Variants in RNGTT observed in about 807,000 individuals in gnomAD.
RNGTT encodes mRNA-capping enzyme.
In RNGTT, 33 loss-of-function variants were observed where a neutral mutation model predicts 79.3. The ratio of observed to expected loss-of-function variants is 0.42; its 90% CI spans 0.32 to 0.56. The LOEUF is 0.56. RNGTT is among the 20% of genes least tolerant of loss of function. RNGTT has a pLI of 0.17. For synonymous variants in RNGTT, 222 were observed against 235.9 expected (o/e 0.94, Z 0.54); for missense variants, 497 against 739.1 (o/e 0.67, Z 3.80).
intron 13 of RNGTT, among the ~76,000 whole-genome samples, chr6:88,717,289 G>T (rs1325643390): frequency 6.6e-6 from 1 of 152,108 alleles, no homozygotes; most frequent in East Asian, 1.9e-4. Flanking sequence ...TTTACTAAAG[G>T]TGTAGAAATT....
At chr6:88,912,036 T>C (rs1453816670) in intron 4 of RNGTT, among the ~76,000 whole-genome samples, 6 of 152,048 alleles carry the variant, frequency 3.9e-5, no homozygotes, top group Admixed American at 3.3e-4. Context: ...TGAGCAGAGA[T>C]TGTGCCTCTG....
At chr6:88,759,137 A>G (rs9351179) in intron 13 of RNGTT, among the ~76,000 whole-genome samples, 22,464 of 152,256 alleles carry the variant, frequency 0.15, 1,790 homozygotes, top group Middle Eastern at 0.25. Flanking sequence ...GTATGGACTC[A>G]TAGATTCCTA....
chr6:88,927,046 T>C (rs1784342146), intron 4 of RNGTT, among the ~76,000 whole-genome samples: 2 of 152,024 alleles, frequency 1.3e-5, no homozygotes, highest in Non-Finnish European at 1.5e-5. Flanking sequence ...ATTAGCTACT[T>C]AAAATCAAAC....
At chr6:88,915,925 A>G (rs1465257126) in intron 4 of RNGTT, among the ~76,000 whole-genome samples, 1 of 152,202 alleles carries the variant, frequency 6.6e-6, no homozygotes, top group Non-Finnish European at 1.5e-5. Flanking sequence ...GTTACAGTTC[A>G]ATAAGATAAC....
chr6:88,878,471 T>G (rs955606652), intron 8 of RNGTT, among the ~76,000 whole-genome samples: 1 of 152,150 alleles, frequency 6.6e-6, no homozygotes, highest in African/African-American at 2.4e-5. Context: ...TTACATGATT[T>G]GAAACAAATA....
At chr6:88,827,242 A>G (rs1780699028) in intron 11 of RNGTT, among the ~76,000 whole-genome samples, 1 of 152,094 alleles carries the variant, frequency 6.6e-6, no homozygotes, top group South Asian at 2.1e-4. Flanking sequence ...ATAGAGGGTG[A>G]GCTGAAGCAG....
At chr6:88,712,316 G>GT (rs1365613778) in intron 13 of RNGTT, among the ~76,000 whole-genome samples, 3 of 152,138 alleles carry the variant, frequency 2.0e-5, no homozygotes, top group Non-Finnish European at 4.4e-5. Context: ...AGGTTGTGTT[G>GT]TTTTTTAAAA....
In RNGTT at chr6:88,890,560, G is replaced by A; in HGVS notation, c.831C>T (p.Asp277=). 6.2e-7 allele frequency: 1 copy of A among 1,613,578 alleles called. No individual in the cohort carries two copies. The highest frequency in any genetic ancestry group is 8.5e-7 in the Non-Finnish European group (1 of 1,179,712). The change falls in exon 8 of 16, where the codon GAC becomes GAT. Residue 277 remains aspartate, a synonymous_variant. Transcript: ENST00000369485. Reference sequence around the variant, plus strand: ...GGTCTAAAAGTTTAATATTTTGCTTGTCCATGGAAACAGGCTGTGCTCCAG... The same window carrying A: ...GGTCTAAAAGTTTAATATTTTGCTTATCCATGGAAACAGGCTGTGCTCCAG... The part of the protein sequence containing the change: ...GFPGAQPVSM[D]KQNIKLLDLK...
chr6:88,851,201 A>T (rs1267874036), intron 9 of RNGTT, among the ~76,000 whole-genome samples: 10 of 131,972 alleles, frequency 7.6e-5, no homozygotes, highest in East Asian at 4.4e-4. Context: ...AACTAAATTT[A>T]AAAAAAAAAA....
rs542961861 is a variant in RNGTT, at chr6:88,746,249, T to TGTG, written c.1439+23524_1439+23525insCAC. Among the ~76,000 whole-genome samples, 339 of 152,294 alleles carry TGTG rather than the reference T, an allele frequency of 2.2e-3. 1 individual carries two copies. The highest frequency in any genetic ancestry group is 7.9e-3 in the African/African-American group (330 of 41,576). On this transcript the variant is annotated intron_variant, in intron 13 of 15. Transcript: ENST00000369485. ...AGTTTCTTCACAACCAACTGGCTGC[T>TGTG]CCCTGTGGTCCAGCTGTGGCCTGCC...
intron 13 of RNGTT, among the ~76,000 whole-genome samples, chr6:88,732,033 T>G (rs1777133283): frequency 6.6e-6 from 1 of 152,194 alleles, no homozygotes; most frequent in South Asian, 2.1e-4. Flanking sequence ...CATCTTCATG[T>G]CAAGTAGGCT....
intron 13 of RNGTT, among the ~76,000 whole-genome samples, chr6:88,741,756 T>A (rs1216990280): frequency 6.6e-6 from 1 of 152,182 alleles, no homozygotes; most frequent in Non-Finnish European, 1.5e-5. Flanking sequence ...CAAAAAATTA[T>A]TAATAGTGGT....
chr6:88,887,218 T>C (rs764384827), intron 8 of RNGTT, among the ~76,000 whole-genome samples: 4 of 152,180 alleles, frequency 2.6e-5, no homozygotes, highest in South Asian at 2.1e-4. Flanking sequence ...TGTTACGAGA[T>C]ATAATAAATT....
At chr6:88,726,265 G>C (rs1264079569) in intron 13 of RNGTT, among the ~76,000 whole-genome samples, 1 of 151,904 alleles carries the variant, frequency 6.6e-6, no homozygotes, top group Non-Finnish European at 1.5e-5. Context: ...AGTAACCCAC[G>C]GATGGCCTAA....
At chr6:88,739,733 A>ATATATATATATGTATG (rs1562227302) in intron 13 of RNGTT, among the ~76,000 whole-genome samples, 1 of 17,360 alleles carries the variant, frequency 5.8e-5, no homozygotes, top group Non-Finnish European at 1.4e-4. Context: ...AATTATATAT[A>ATATATATATATGTATG]TATATATATA....
At chr6:88,892,258 T>C (rs1478500717) in intron 6 of RNGTT, among the ~76,000 whole-genome samples, 1 of 152,074 alleles carries the variant, frequency 6.6e-6, no homozygotes, top group Admixed American at 6.6e-5. Flanking sequence ...AAAAATAGAC[T>C]GTACTGTATT....
At chr6:88,902,239 AC>A (rs1417520955) in intron 6 of RNGTT, among the ~76,000 whole-genome samples, 1 of 152,162 alleles carries the variant, frequency 6.6e-6, no homozygotes, top group Non-Finnish European at 1.5e-5. Context: ...GGTTTAAGAT[AC>A]ACATAGAATT....
At chr6:88,955,535 G>A (rs1343860400) in intron 1 of RNGTT, among the ~76,000 whole-genome samples, 2 of 140,914 alleles carry the variant, frequency 1.4e-5, no homozygotes, top group African/African-American at 5.3e-5. Context: ...AGGTGACAGA[G>A]TGAGACTCAT....
chr6:88,853,823 G>A (rs1781754489), intron 8 of RNGTT, 59 bp from the exon 9 acceptor site: 4 of 1,049,242 alleles, frequency 3.8e-6, no homozygotes, highest in Non-Finnish European at 5.5e-6. Context: ...ACAGGGTCAT[G>A]AGAAATAACA....
Sources: gnomAD v4.1 joint callset for allele counts (sites outside exome capture counted in the v4.1 genomes callset) on GRCh38, gnomAD v4.1.1 for gene constraint, MANE v1.5 for transcripts, NCBI Gene and HGNC (gene_info 2026-07-23, HGNC 2026-07-21) for gene names.